ANKHD1: variants seen among roughly 807,000 people sequenced by gnomAD.
The protein encoded by ANKHD1 is ankyrin repeat and KH domain containing 1.
In ANKHD1, 31 loss-of-function variants were observed where a neutral mutation model predicts 230.5. The ratio of observed to expected loss-of-function variants is 0.13; its 90% CI spans 0.10 to 0.18. ANKHD1 has a LOEUF of 0.18. ANKHD1 is among the 10% of genes least tolerant of loss of function. The pLI is 1.00. For synonymous variants in ANKHD1, 1,074 were observed against 1,117.6 expected (o/e 0.96, Z 0.78); for missense variants, 2,256 against 3,071.3 (o/e 0.73, Z 6.27).
chr5:140,432,983 C>T (rs570051245), intron 1 of ANKHD1, among the ~76,000 whole-genome samples: 1 of 151,314 alleles, frequency 6.6e-6, no homozygotes, highest in South Asian at 2.1e-4. Flanking sequence ...GGTTTATAGA[C>T]GTGAGCCACT....
intron 15 of ANKHD1, chr5:140,497,890 C>CAT (rs1456030227): frequency 2.9e-5 from 4 of 140,230 alleles, no homozygotes; most frequent in Non-Finnish European, 4.7e-5. Flanking sequence ...CACACACACA[C>CAT]ACACACACAC....
intron 9 of ANKHD1, among the ~76,000 whole-genome samples, 174 bp from the exon 10 acceptor site, chr5:140,464,493 T>G (rs1217412088): frequency 1.3e-5 from 2 of 152,216 alleles, no homozygotes; most frequent in African/African-American, 4.8e-5. Context: ...TTAGTTCTTT[T>G]TGGTATGACT....
At chr5:140,428,374 C>T (rs549848133) in intron 1 of ANKHD1, among the ~76,000 whole-genome samples, 1 of 152,384 alleles carries the variant, frequency 6.6e-6, no homozygotes, top group African/African-American at 2.4e-5. Flanking sequence ...GAGACTCCGT[C>T]TGCAATCCCG....
chr5:140,521,350 G>C (rs1027170921), intron 24 of ANKHD1, among the ~76,000 whole-genome samples: 1 of 152,082 alleles, frequency 6.6e-6, no homozygotes, highest in African/African-American at 2.4e-5. Context: ...AGAAATACAG[G>C]CTGGGCATGT....
At chr5:140,427,412 G>C (rs1772566535) in intron 1 of ANKHD1, among the ~76,000 whole-genome samples, 1 of 118,432 alleles carries the variant, frequency 8.4e-6, no homozygotes, top group African/African-American at 3.2e-5. Context: ...GCGGCTGGCC[G>C]GGCGGGGGGC....
Position 140,507,836 on chromosome 5 carries a change from A to G in ANKHD1, c.3603A>G (p.Gly1201=), listed in dbSNP as rs747586979. 4 of 1,614,174 alleles carry G rather than the reference A, an allele frequency of 2.5e-6. No homozygotes were observed. The highest frequency in any genetic ancestry group is 2.2e-5 in the East Asian group (1 of 44,882). The change falls in exon 20 of 34, where the codon GGA becomes GGG. Residue 1201 remains glycine, a synonymous_variant. Transcript: ENST00000360839. The surrounding 1 kb of genome is among the most constrained non-coding windows in gnomAD (Gnocchi z 4.1). ...CCCTGATGTTGGCTGCAATGAATGG[A>G]CATGTTCCTGCAGTAAAATTGCTGC... The part of the protein sequence containing the change: ...ISPLMLAAMN[G]HVPAVKLLLD...
At position 140,445,828 on chromosome 5, in the gene ANKHD1, C is replaced by G; in HGVS notation, c.1000C>G (p.His334Asp). The G allele has an allele frequency of 1.9e-6, 3 of 1,613,630 alleles. No individual in the cohort carries two copies. The highest frequency in any genetic ancestry group is 2.5e-6 in the Non-Finnish European group (3 of 1,179,796). ...TAATGAAGGTGCAAATATAGAAGAT[C>G]ATAATGAAAATGGACATACTCCCTT... ...LLNEGANIEDHNENGHTPLME... is the reference protein window; with the variant it reads ...LLNEGANIEDDNENGHTPLME... Residue 334 changes from histidine to aspartate, a missense_variant, in exon 6 of 34, where the codon CAT becomes GAT. Physicochemically the swap from His to Asp is moderately conservative, Grantham distance 81 (BLOSUM62 -1). Coordinates refer to ENST00000360839, the MANE Select transcript of ANKHD1 (RefSeq NM_017747.3).
intron 7 of ANKHD1, among the ~76,000 whole-genome samples, chr5:140,453,001 A>G (rs1446819599): frequency 6.6e-6 from 1 of 152,172 alleles, no homozygotes; most frequent in Non-Finnish European, 1.5e-5. Context: ...AACTAGAATA[A>G]CCAGTGTAGA....
rs745592132 is a variant in ANKHD1, at chr5:140,529,328, G to C, written c.6382G>C (p.Val2128Leu). 6.2e-7 allele frequency: 1 copy of C among 1,614,154 alleles called. No individual in the cohort carries two copies. The highest frequency in any genetic ancestry group is 2.2e-5 in the East Asian group (1 of 44,892). ...QDTSNLPQLA[V>L]PAPRVSHRMQ... ...CACCAGTAATTTACCTCAGTTAGCT[G>C]TACCAGCACCTCGAGTTTCTCATCG... is the stretch of plus-strand genomic sequence containing the variant. The change falls in exon 29 of 34, where the codon GTA (valine) becomes CTA (leucine). Residue 2128 changes from valine (V) to leucine (L), a missense_variant. This residue lies in a region of ANKHD1 where 778 missense variants were observed against 966.5 expected (regional missense o/e 0.80). Coordinates refer to ENST00000360839, the MANE Select transcript of ANKHD1 (RefSeq NM_017747.3).
At chr5:140,435,559 A>G (rs891912308) in intron 1 of ANKHD1, among the ~76,000 whole-genome samples, 1 of 151,876 alleles carries the variant, frequency 6.6e-6, no homozygotes, top group African/African-American at 2.4e-5. Context: ...TTATATTTTT[A>G]GTAGAGATGA....
intron 9 of ANKHD1, among the ~76,000 whole-genome samples, chr5:140,461,903 G>T (rs1472629014): frequency 1.3e-5 from 2 of 152,030 alleles, no homozygotes; most frequent in East Asian, 3.9e-4. Flanking sequence ...TGACTTTTTT[G>T]AATTAAGATT....
intron 10 of ANKHD1, among the ~76,000 whole-genome samples, chr5:140,473,852 C>T (rs748838107): frequency 3.3e-5 from 5 of 152,146 alleles, no homozygotes; most frequent in Non-Finnish European, 7.4e-5. Flanking sequence ...TCTCTAGCTG[C>T]AAGTCTCAAA....
At position 140,506,898 on chromosome 5, in the gene ANKHD1, C is replaced by T. The variant is rs781217288; in HGVS notation, c.3472C>T (p.Pro1158Ser). The T allele has an allele frequency of 6.2e-7, 1 of 1,614,132 alleles. No homozygotes were observed. The change falls in exon 19 of 34, where the codon CCA becomes TCA. Residue 1158 changes from proline (P) to serine (S), a missense_variant. Around this residue, in one of 13 missense-constraint regions of ANKHD1, gnomAD observed 15 missense variants for 63.7 expected, o/e 0.24. Coordinates refer to ENST00000360839, the MANE Select transcript of ANKHD1 (RefSeq NM_017747.3). The surrounding 1 kb of genome is among the most constrained non-coding windows in gnomAD (Gnocchi z 4.7). ...KEHRNVSDYT[P>S]LSLAASGGYV... ...ACATAGGAACGTATCTGATTATACA[C>T]CACTGAGTCTAGCTGCGTCTGGAGG...
intron 1 of ANKHD1, among the ~76,000 whole-genome samples, chr5:140,417,209 A>C (rs1010999255): frequency 3.3e-5 from 5 of 152,054 alleles, no homozygotes; most frequent in African/African-American, 1.2e-4. Context: ...ATATTGATTA[A>C]ATGCTAGAAA....
At chr5:140,411,524 T>A (rs1770922209) in intron 1 of ANKHD1, among the ~76,000 whole-genome samples, 1 of 151,382 alleles carries the variant, frequency 6.6e-6, no homozygotes, top group African/African-American at 2.4e-5. Context: ...GCTGTTTTTT[T>A]TTTGGTTTGT....
At chr5:140,528,153 G>GTTTTTTTTTTT in intron 28 of ANKHD1, 31 bp from the exon 29 acceptor site, 1 of 1,525,814 alleles carries the variant, frequency 6.6e-7, no homozygotes, top group Non-Finnish European at 8.7e-7. Context: ...TAATGTTTTT[G>GTTTTTTTTTTT]GTCTTGTTTC....
At chr5:140,481,224 C>A (rs1216168191) in intron 10 of ANKHD1, among the ~76,000 whole-genome samples, 1 of 152,014 alleles carries the variant, frequency 6.6e-6, no homozygotes, top group Non-Finnish European at 1.5e-5. Flanking sequence ...AAACAACTTT[C>A]TAGGTCTTTC....
intron 9 of ANKHD1, among the ~76,000 whole-genome samples, chr5:140,461,428 T>G (rs1775696149): frequency 6.6e-6 from 1 of 152,194 alleles, no homozygotes; most frequent in Admixed American, 6.5e-5. Flanking sequence ...TAAGGGTAAT[T>G]TATTTACATG....
rs1266856208 is a variant in ANKHD1, at chr5:140,485,330, G to C, written c.1998+82G>C. The C allele has an allele frequency of 1.1e-5, 17 of 1,497,812 alleles. No homozygotes were observed. In the East Asian group the frequency reaches 2.4e-4, roughly 21 times the overall value. 92.8% of individuals were successfully genotyped at this position (1,497,812 alleles called of 1,614,324 possible). A position where few individuals can be genotyped will look rare whatever the true frequency, so the allele number is the denominator to read the frequency against. On this transcript the variant is annotated intron_variant, in intron 12 of 33. Transcript: ENST00000360839. The surrounding 1 kb of genome is among the most constrained non-coding windows in gnomAD (Gnocchi z 4.8). ...CCAGCACTTTAGAAAGCTGAGGCGG[G>C]TGGATCACTTGAGCCCAGGAGTTTG... is the stretch of plus-strand genomic sequence containing the variant.
Sources: allele counts gnomAD v4.1 joint callset (sites outside exome capture counted in the v4.1 genomes callset), GRCh38; gene constraint gnomAD v4.1.1; regional missense constraint gnomAD v4.1.1; non-coding constraint Gnocchi (gnomAD v3.1); transcripts MANE v1.5; gene names NCBI Gene and HGNC (gene_info 2026-07-23, HGNC 2026-07-21).